CC2D2B: variants seen among roughly 807,000 people sequenced by gnomAD.
The protein encoded by CC2D2B is coiled-coil and C2 domain containing 2B.
CC2D2B carries 128 observed loss-of-function variants against 161.2 expected under a neutral mutation model. The ratio of observed to expected loss-of-function variants is 0.79; its 90% CI spans 0.69 to 0.92. The LOEUF is 0.92. Ranked by LOEUF, CC2D2B falls within the 40% of genes least tolerant of loss-of-function variation. CC2D2B has a pLI of 0.00. For missense variants in CC2D2B, 1,173 were observed against 1,375.1 expected, an observed-to-expected ratio of 0.85 and a Z score of 2.32; for synonymous variants, 391 against 449.8, an observed-to-expected ratio of 0.87 and a Z score of 1.65.
Position 95,927,346 on chromosome 10 carries a change from G to T in CC2D2B, c.336+14G>T. ...TCTTCAGAGCAGGTTGGATTTGTTT[G>T]CCTCCCTCCCACCATCTCACTCTCA... On this transcript the variant is annotated intron_variant, in intron 6 of 34. Transcript: ENST00000646931. 1.4e-6 allele frequency: 2 copies of T among 1,408,670 alleles called. No individual in the cohort carries two copies. Among genetic ancestry groups the T allele is most frequent in the Admixed American group, 4.0e-5 (2 of 50,000 alleles). 87.3% of individuals were successfully genotyped at this position (1,408,670 alleles called of 1,614,324 possible). A position where few individuals can be genotyped will look rare whatever the true frequency, so the allele number is the denominator to read the frequency against.
intron 5 of CC2D2B, among the ~76,000 whole-genome samples, chr10:95,926,239 A>T (rs1272422486): frequency 7.2e-5 from 11 of 152,170 alleles, no homozygotes; most frequent in Admixed American, 7.2e-4. Context: ...TCCATTGAGT[A>T]TCAGGAAAAG....
intron 6 of CC2D2B, among the ~76,000 whole-genome samples, chr10:95,934,437 GAA>G (rs551651883): frequency 1.2e-3 from 169 of 143,892 alleles, no homozygotes; most frequent in African/African-American, 3.5e-3. Context: ...ACTGGGGTAT[GAA>G]AAAAAAAAAA....
At chr10:95,954,733 A>G (rs2076516648) in intron 10 of CC2D2B, among the ~76,000 whole-genome samples, 2 of 152,228 alleles carry the variant, frequency 1.3e-5, no homozygotes, top group South Asian at 4.1e-4. Flanking sequence ...CCAGGAATAT[A>G]GTTTGTTTTC....
chr10:95,965,516 G>A (rs1233348533), intron 12 of CC2D2B, among the ~76,000 whole-genome samples: 1 of 151,896 alleles, frequency 6.6e-6, no homozygotes, highest in Non-Finnish European at 1.5e-5. Context: ...ACCTGCTCAG[G>A]TTCTCACAGC....
chr10:96,019,336 A>G lies in CC2D2B; in HGVS notation c.3764A>G (p.Asn1255Ser). The change falls in exon 31 of 35, where the codon AAT becomes AGT. Residue 1255 changes from asparagine to serine, a missense_variant and splice_region_variant. By Grantham distance (46) the Asn-to-Ser change is conservative (BLOSUM62 1). This residue lies in a region of CC2D2B where 598 missense variants were observed against 693.2 expected (regional missense o/e 0.86). Transcript: ENST00000646931. ...KSVDCLFDDR[N>S]VWFNIQQNNT... ...GTAGATTGTTTGTTTGATGATAGAA[A>G]TGTAAGTATATGGGGAAAAAAAATC... The G allele has an allele frequency of 6.2e-7, 1 of 1,606,744 alleles. No homozygotes were observed. The highest frequency in any genetic ancestry group is 8.5e-7 in the Non-Finnish European group (1 of 1,177,754).
At chr10:95,942,155 A>G (rs2076045725) in intron 9 of CC2D2B, among the ~76,000 whole-genome samples, 1 of 152,160 alleles carries the variant, frequency 6.6e-6, no homozygotes, top group East Asian at 1.9e-4. Flanking sequence ...GGCGGTTGCC[A>G]GGGGCTTGGG....
At chr10:95,928,148 C>A (rs1373351292) in intron 6 of CC2D2B, among the ~76,000 whole-genome samples, 1 of 152,090 alleles carries the variant, frequency 6.6e-6, no homozygotes, top group East Asian at 1.9e-4. Context: ...CTACTTCCAC[C>A]TCCCAGTCTC....
At chr10:95,933,624 C>T (rs915159307) in intron 6 of CC2D2B, among the ~76,000 whole-genome samples, 2 of 152,002 alleles carry the variant, frequency 1.3e-5, no homozygotes, top group South Asian at 2.1e-4. Context: ...GTTAGTTTTC[C>T]TTGTAAGAGA....
intron 6 of CC2D2B, among the ~76,000 whole-genome samples, chr10:95,934,981 T>A (rs2075765744): frequency 6.6e-6 from 1 of 152,110 alleles, no homozygotes; most frequent in Non-Finnish European, 1.5e-5. Context: ...AGCGATTCTC[T>A]TGCCTCAGCC....
At chr10:95,939,787 T>C (rs966651250) in intron 9 of CC2D2B, among the ~76,000 whole-genome samples, 3 of 152,210 alleles carry the variant, frequency 2.0e-5, no homozygotes, top group African/African-American at 7.2e-5. Context: ...CAGCCTTTTT[T>C]ATGAAAGCTT....
At chr10:95,944,242 T>C (rs2076119808) in intron 9 of CC2D2B, among the ~76,000 whole-genome samples, 1 of 152,182 alleles carries the variant, frequency 6.6e-6, no homozygotes, top group Non-Finnish European at 1.5e-5. Flanking sequence ...AAGGTGCTTA[T>C]CATACCATGA....
chr10:95,949,340 A>C (rs1399547149), intron 9 of CC2D2B, among the ~76,000 whole-genome samples: 1 of 13,766 alleles, frequency 7.3e-5, no homozygotes, highest in East Asian at 1.3e-3. Context: ...AAAAATGATG[A>C]GTTCATGTCC....
intron 9 of CC2D2B, among the ~76,000 whole-genome samples, chr10:95,939,312 C>T (rs369889176): frequency 6.6e-6 from 1 of 152,048 alleles, no homozygotes; most frequent in Non-Finnish European, 1.5e-5. Flanking sequence ...TTGTTGTGTA[C>T]AGCAATAGCT....
chr10:95,911,168 A>G (rs1033251663), intron 1 of CC2D2B, 133 bp from the exon 2 acceptor site: 7 of 190,630 alleles, frequency 3.7e-5, no homozygotes, highest in African/African-American at 1.6e-4. Flanking sequence ...AATATGAAAT[A>G]GTAAAAGTGA....
intron 9 of CC2D2B, among the ~76,000 whole-genome samples, chr10:95,947,913 G>A (rs1308288942): frequency 1.3e-5 from 2 of 152,148 alleles, no homozygotes; most frequent in African/African-American, 2.4e-5. Context: ...GAGGGCCCAG[G>A]CTCCTGAAGA....
intron 26 of CC2D2B, among the ~76,000 whole-genome samples, chr10:96,011,660 C>A (rs1486171461): frequency 6.6e-6 from 1 of 151,772 alleles, no homozygotes; most frequent in African/African-American, 2.4e-5. Context: ...GATCCTCCCA[C>A]CTCATCCTCC....
chr10:96,016,385 A>C (rs1160716341), intron 30 of CC2D2B, 71 bp downstream of exon 30: 2 of 1,020,576 alleles, frequency 2.0e-6, no homozygotes, highest in Admixed American at 1.8e-5. Context: ...AGTTTAGAAG[A>C]CTTCAAACCC....
intron 34 of CC2D2B, 98 bp downstream of exon 34, chr10:96,027,487 C>G: frequency 1.2e-6 from 1 of 815,284 alleles, no homozygotes; most frequent in Non-Finnish European, 1.9e-6. Context: ...GGCCTTTTAT[C>G]TTGATCCTTA....
At chr10:95,919,612 C>T (rs962738816) in intron 2 of CC2D2B, 1 of 152,212 alleles carries the variant, frequency 6.6e-6, no homozygotes, top group African/African-American at 2.4e-5. Flanking sequence ...AGTGCTAGGT[C>T]TCACCCAAGG....
Sources: allele counts gnomAD v4.1 joint callset (sites outside exome capture counted in the v4.1 genomes callset), GRCh38; gene constraint gnomAD v4.1.1; regional missense constraint gnomAD v4.1.1; transcripts MANE v1.5; gene names NCBI Gene and HGNC (gene_info 2026-07-23, HGNC 2026-07-21).